The following MME variants were observed in gnomAD, a reference collection of about 807,000 sequenced individuals.
The protein encoded by MME is membrane metalloendopeptidase.
A neutral mutation model predicts 113.2 loss-of-function variants in MME; 98 were observed. The observed-to-expected ratio is 0.87, with a 90% confidence interval of 0.74 to 1.02. The LOEUF (loss-of-function observed/expected upper bound fraction) is 1.02. Among genes scored for constraint, MME ranks in the 50% least tolerant of loss-of-function variants. The probability of loss-of-function intolerance (pLI) is 0.00; values close to 1 mark genes in which losing one functional copy is unlikely to be tolerated. For synonymous variants in MME, 292 were observed against 300.6 expected, an observed-to-expected ratio of 0.97 and a Z score of 0.30; for missense variants, 836 against 896.0, an observed-to-expected ratio of 0.93 and a Z score of 0.86.
chr3:155,114,042 TTTAA>T (rs1035504267), intron 3 of MME, among the ~76,000 whole-genome samples: 4 of 152,326 alleles, frequency 2.6e-5, no homozygotes, highest in African/African-American at 4.8e-5. Context: ...GTTTGAAGTT[TTTAA>T]TTAATTAATT....
rs181954256 is a variant in MME, at chr3:155,162,810, C to T, written c.1660+2362C>T. On this transcript the variant is annotated intron_variant, in intron 17 of 22. Transcript: ENST00000360490. ...GGTGGATCACCTGAGGTCAAGAGTT[C>T]GAGACCAGCCTGGCCAACATGGTGA... 7.3e-5 allele frequency among the ~76,000 whole-genome samples: 11 copies of T among 151,522 alleles called. No homozygotes were observed. The East Asian group carries it at 1.6e-3, about 22-fold the overall frequency.
At chr3:155,079,149 T>C (rs1576688021), upstream of MME, among the ~76,000 whole-genome samples, 1 of 149,156 alleles carries the variant, frequency 6.7e-6, no homozygotes, top group Non-Finnish European at 1.5e-5. Context: ...GGAAGCGGGG[T>C]GGAGAAAGCA....
intron 17 of MME, 115 bp from the exon 18 acceptor site, chr3:155,166,787 G>T: frequency 2.3e-6 from 3 of 1,307,626 alleles, no homozygotes; most frequent in Non-Finnish European, 3.3e-6. Flanking sequence ...TAATGCCATG[G>T]TGGCATGCGC....
chr3:155,168,912 T>C, intron 20 of MME, 115 bp downstream of exon 20: 1 of 853,466 alleles, frequency 1.2e-6, no homozygotes, highest in African/African-American at 1.7e-5. Flanking sequence ...AAATGATGAA[T>C]AGAAAATGGA....
chr3:155,064,135 C>A (rs1714304434), intron 1 of MME, among the ~76,000 whole-genome samples: 2 of 151,880 alleles, frequency 1.3e-5, no homozygotes, highest in Non-Finnish European at 2.9e-5. Flanking sequence ...ACTAAAAATG[C>A]AAAAATTAGC....
At chr3:155,151,238 A>G (rs562842311) in intron 16 of MME, among the ~76,000 whole-genome samples, 3 of 152,304 alleles carry the variant, frequency 2.0e-5, no homozygotes, top group East Asian at 3.9e-4. Flanking sequence ...TCAGATGCTC[A>G]AGATCCTCAC....
intron 20 of MME, among the ~76,000 whole-genome samples, chr3:155,171,690 A>C (rs559268734): frequency 2.2e-4 from 34 of 152,192 alleles, no homozygotes; most frequent in Admixed American, 9.2e-4. Context: ...GAATCACTCG[A>C]TCTTAGTCTG....
chr3:155,168,246 T>C (rs1711533622), intron 18 of MME, among the ~76,000 whole-genome samples: 1 of 152,190 alleles, frequency 6.6e-6, no homozygotes. Context: ...GGCGGCCTCT[T>C]CTGAGATATC....
At chr3:155,099,574 A>G (rs61763216) in intron 3 of MME, among the ~76,000 whole-genome samples, 1 of 152,208 alleles carries the variant, frequency 6.6e-6, no homozygotes, top group Non-Finnish European at 1.5e-5. Context: ...TTGATGCTTA[A>G]GTAAAAACAA....
chr3:155,083,600 ATAAAGGTTGTTTT>A (rs1480625240), intron 1 of MME: 1 of 157,514 alleles, frequency 6.3e-6, no homozygotes, highest in Non-Finnish European at 1.4e-5. Context: ...AACTGTAAAA[ATAAAGGTTGTTTT>A]TATGACTAAA....
chr3:155,108,952 T>C (rs1717932966), intron 3 of MME, among the ~76,000 whole-genome samples: 1 of 152,026 alleles, frequency 6.6e-6, no homozygotes. Flanking sequence ...AGACTTAAGG[T>C]TGCGTCTTCT....
In MME at chr3:155,180,559, C is replaced by G; in HGVS notation, c.*100C>G. 1.2e-6 allele frequency: 1 copy of G among 864,294 alleles called. No individual in the cohort carries two copies. The highest frequency in any genetic ancestry group is 2.0e-6 in the Non-Finnish European group (1 of 502,182). 53.5% of individuals were successfully genotyped at this position (864,294 alleles called of 1,614,324 possible). On this transcript the variant is annotated 3_prime_UTR_variant, in exon 23 of 23. Coordinates refer to ENST00000360490, the MANE Select transcript of MME (RefSeq NM_007289.4). The stretch of plus-strand genomic sequence containing the variant: ...AAAATGGGCCCTAGGGGTCACTGTA[C>G]TGACTTGAGGGTGATTAACAGAGAG...
intron 8 of MME, among the ~76,000 whole-genome samples, chr3:155,131,141 G>A (rs960946287): frequency 6.6e-6 from 1 of 152,170 alleles, no homozygotes; most frequent in African/African-American, 2.4e-5. Context: ...TTTGTAGAAT[G>A]TGTTTTAATG....
rs771850089 is a variant in MME, at chr3:155,084,370, A to G, written c.160+43A>G. The G allele has an allele frequency of 3.1e-6, 5 of 1,600,376 alleles. No individual in the cohort carries two copies. The South Asian group carries it at 5.5e-5, about 18-fold the overall frequency. On this transcript the variant is annotated intron_variant, in intron 2 of 22. Transcript: ENST00000360490. ...CTGTGCATCCATAAGTGCAAAAGAG[A>G]AGGAAATCTTCCTCCATGCTTTTAC...
chr3:155,101,353 G>A (rs1353856270), intron 3 of MME, among the ~76,000 whole-genome samples: 1 of 152,196 alleles, frequency 6.6e-6, no homozygotes, highest in Non-Finnish European at 1.5e-5. Context: ...AAAGAAGTGG[G>A]AAGCTTTGAA....
upstream of MME, among the ~76,000 whole-genome samples, chr3:155,075,527 T>C (rs142688559): frequency 4.5e-3 from 689 of 152,290 alleles, 3 homozygotes; most frequent in South Asian, 0.016. Flanking sequence ...TTGACTTATG[T>C]TTAATTTTGT....
chr3:155,042,832 A>G (rs1043556353), intron 1 of MME, among the ~76,000 whole-genome samples: 19 of 146,692 alleles, frequency 1.3e-4, no homozygotes, highest in Non-Finnish European at 2.1e-4. Context: ...ATTTTCTGCT[A>G]CATTTTATCT....
intron 3 of MME, among the ~76,000 whole-genome samples, chr3:155,092,304 A>G (rs1716362896): frequency 2.0e-5 from 3 of 152,214 alleles, no homozygotes; most frequent in South Asian, 4.1e-4. Context: ...ATTAACCACC[A>G]CAGGCTACAG....
chr3:155,036,112 G>A (rs1324600465), intron 1 of MME, among the ~76,000 whole-genome samples: 1 of 149,660 alleles, frequency 6.7e-6, no homozygotes, highest in Admixed American at 6.7e-5. Flanking sequence ...AGAAAGAGAA[G>A]ATTCCAGGAA....
Sources: allele counts gnomAD v4.1 joint callset (sites outside exome capture counted in the v4.1 genomes callset), GRCh38; gene constraint gnomAD v4.1.1; transcripts MANE v1.5; gene names NCBI Gene and HGNC (gene_info 2026-07-23, HGNC 2026-07-21).